The following CACNA1D variants were observed in gnomAD, a reference collection of about 807,000 sequenced individuals.
The protein encoded by CACNA1D is calcium voltage-gated channel subunit alpha1 D.
A neutral mutation model predicts 257.1 loss-of-function variants in CACNA1D; 55 were observed. The observed-to-expected ratio is 0.21, with a 90% CI of 0.17 to 0.27. The LOEUF (loss-of-function observed/expected upper bound fraction) is 0.27. Ranked by LOEUF, CACNA1D falls within the 10% of genes least tolerant of loss-of-function variation. The pLI is 1.00. For missense variants in CACNA1D, 1,876 were observed against 2,784.0 expected, an observed-to-expected ratio of 0.67 and a Z score of 7.34; for synonymous variants, 980 against 1,014.9, an observed-to-expected ratio of 0.97 and a Z score of 0.65.
At chr3:53,545,198 A>G (rs1377961206) in intron 3 of CACNA1D, among the ~76,000 whole-genome samples, 2 of 150,818 alleles carry the variant, frequency 1.3e-5, no homozygotes, top group Admixed American at 6.5e-5. Context: ...CTATAATCCT[A>G]TGATTCTGCA....
In CACNA1D at chr3:53,723,712, C is replaced by G. The variant is rs537117838; in HGVS notation, c.1892+53C>G. 4.4e-6 allele frequency: 7 copies of G among 1,587,518 alleles called. No homozygotes were observed. The South Asian group carries it at 7.7e-5, about 18-fold the overall frequency. ...TGTTTTATGAACATGAGGCGGCAAC[C>G]AGTCACATCCCCGGGCAGGTGATGT... is the stretch of plus-strand genomic sequence containing the variant. On this transcript the variant is annotated intron_variant, in intron 13 of 47. Transcript: ENST00000350061. The surrounding 1 kb of genome is among the most constrained non-coding windows in gnomAD (Gnocchi z 5.6).
intron 3 of CACNA1D, among the ~76,000 whole-genome samples, chr3:53,628,601 G>C (rs1018680901): frequency 7.2e-5 from 11 of 152,134 alleles, no homozygotes; most frequent in Admixed American, 5.9e-4. Flanking sequence ...GAGGGATCAG[G>C]TCCTTCAAGG....
chr3:53,506,064 A>G (rs372975702), intron 3 of CACNA1D, among the ~76,000 whole-genome samples: 2 of 152,336 alleles, frequency 1.3e-5, no homozygotes, highest in East Asian at 3.9e-4. Flanking sequence ...ACACAATTTC[A>G]TAACCTGGCT....
At chr3:53,581,677 T>C (rs1420453645) in intron 3 of CACNA1D, among the ~76,000 whole-genome samples, 1 of 152,164 alleles carries the variant, frequency 6.6e-6, no homozygotes, top group Non-Finnish European at 1.5e-5. Flanking sequence ...TCAGCTGAAG[T>C]GCAGGAGAAT....
intron 3 of CACNA1D, among the ~76,000 whole-genome samples, chr3:53,534,759 A>AT (rs1233530047): frequency 6.6e-6 from 1 of 152,192 alleles, no homozygotes; most frequent in African/African-American, 2.4e-5. Context: ...AGTTGGCATA[A>AT]TTAAATATGT....
At position 53,810,061 on chromosome 3, in the gene CACNA1D, A is replaced by G. The variant is rs1427340813; in HGVS notation, c.5955A>G (p.Pro1985=). ...SHSTRSWATP[P]ATPPYRDWTP... ...CGACCCGGTCGTGGGCCACCCCTCC[A>G]GCAACCCCTCCCTACCGGGACTGGA... Residue 1985 remains proline (P), a synonymous_variant, in exon 47 of 48, where the codon CCA becomes CCG. Coordinates refer to ENST00000350061, the MANE Select transcript of CACNA1D (RefSeq NM_001128840.3). 6.2e-7 allele frequency: 1 copy of G among 1,613,886 alleles called. No individual in the cohort carries two copies. The highest frequency in any genetic ancestry group is 1.1e-5 in the South Asian group (1 of 91,068).
chr3:53,691,672 A>C (rs2094520679), intron 8 of CACNA1D, among the ~76,000 whole-genome samples: 1 of 129,272 alleles, frequency 7.7e-6, no homozygotes, highest in Non-Finnish European at 1.6e-5. Flanking sequence ...GTGTGTATAT[A>C]TGTAATATAT....
At chr3:53,511,476 T>G (rs2091108147) in intron 3 of CACNA1D, among the ~76,000 whole-genome samples, 1 of 152,146 alleles carries the variant, frequency 6.6e-6, no homozygotes, top group Non-Finnish European at 1.5e-5. Flanking sequence ...CCAGCGCAGG[T>G]CCTTGTGTAA....
chr3:53,638,433 G>A (rs185871126), intron 3 of CACNA1D, among the ~76,000 whole-genome samples: 12 of 152,258 alleles, frequency 7.9e-5, no homozygotes, highest in Admixed American at 2.6e-4. Context: ...ACTCTGCACC[G>A]GGCACCATGC....
chr3:53,620,330 G>A (rs1009159393), intron 3 of CACNA1D, among the ~76,000 whole-genome samples: 3 of 152,134 alleles, frequency 2.0e-5, no homozygotes, highest in African/African-American at 2.4e-5. Flanking sequence ...GTCTTACTCT[G>A]TCCAGGCTGG....
chr3:53,520,669 AGCCGGAGAATC>A (rs2091519124), intron 3 of CACNA1D, among the ~76,000 whole-genome samples: 1 of 152,062 alleles, frequency 6.6e-6, no homozygotes, highest in Non-Finnish European at 1.5e-5. Context: ...GGGAGGTTCA[AGCCGGAGAATC>A]GCTTGAACCC....
intron 21 of CACNA1D, among the ~76,000 whole-genome samples, chr3:53,742,258 A>G (rs1430447859): frequency 1.3e-5 from 2 of 152,180 alleles, no homozygotes; most frequent in Non-Finnish European, 2.9e-5. Context: ...GCCTTCTCCA[A>G]CCTTTTTTGT....
intron 2 of CACNA1D, among the ~76,000 whole-genome samples, chr3:53,498,372 A>G (rs936146280): frequency 6.6e-6 from 1 of 152,202 alleles, no homozygotes; most frequent in Non-Finnish European, 1.5e-5. Flanking sequence ...CAGCCTGCTT[A>G]ACCCCTTCCC....
At chr3:53,503,246 C>T (rs1329974904) in intron 3 of CACNA1D, among the ~76,000 whole-genome samples, 1 of 152,188 alleles carries the variant, frequency 6.6e-6, no homozygotes, top group Non-Finnish European at 1.5e-5. Context: ...ACCACATAAA[C>T]ACTGGTAGTA....
chr3:53,691,872 T>TTACATATAATATATATTATATATAA (rs1553637157), intron 8 of CACNA1D, among the ~76,000 whole-genome samples: 1 of 109,354 alleles, frequency 9.1e-6, no homozygotes, highest in Non-Finnish European at 1.8e-5. Flanking sequence ...ATTATATATA[T>TTACATATAATATATATTATATATAA]TACATATAAT....
chr3:53,678,378 C>G (rs558348753), intron 8 of CACNA1D, among the ~76,000 whole-genome samples: 1 of 152,036 alleles, frequency 6.6e-6, no homozygotes, highest in Admixed American at 6.5e-5. Context: ...TGAATGTAAA[C>G]CCAGCCCAGG....
intron 4 of CACNA1D, among the ~76,000 whole-genome samples, chr3:53,654,436 C>A (rs1446236956): frequency 6.6e-6 from 1 of 152,066 alleles, no homozygotes; most frequent in African/African-American, 2.4e-5. Flanking sequence ...AGGGAAATAG[C>A]CATATGGTCT....
At chr3:53,745,988 T>C in intron 25 of CACNA1D, 113 bp downstream of exon 25, 1 of 793,284 alleles carries the variant, frequency 1.3e-6, no homozygotes. Flanking sequence ...TAGGCCTGTG[T>C]GCTCAGCTTG....
At chr3:53,726,276 A>G (rs544514183) in intron 14 of CACNA1D, among the ~76,000 whole-genome samples, 1 of 152,230 alleles carries the variant, frequency 6.6e-6, no homozygotes, top group Non-Finnish European at 1.5e-5. Context: ...TGAAGGTTCC[A>G]GAGAGACACA....
Sources: allele counts gnomAD v4.1 joint callset (sites outside exome capture counted in the v4.1 genomes callset), GRCh38; gene constraint gnomAD v4.1.1; non-coding constraint Gnocchi (gnomAD v3.1); transcripts MANE v1.5; gene names NCBI Gene and HGNC (gene_info 2026-07-23, HGNC 2026-07-21).